The following ZNF3 variants were observed in gnomAD, a reference collection of about 807,000 sequenced individuals.
ZNF3 encodes zinc finger protein 3.
Under a neutral mutation model 36.9 loss-of-function variants are expected in ZNF3, and 16 were observed. The observed-to-expected ratio is 0.43, with a 90% CI of 0.29 to 0.66. ZNF3 has a LOEUF of 0.66. ZNF3 is among the 30% of genes least tolerant of loss of function. The pLI is 0.13. For missense variants in ZNF3, 462 were observed against 543.1 expected, an observed-to-expected ratio of 0.85 and a Z score of 1.48; for synonymous variants, 201 against 201.9, an observed-to-expected ratio of 1.00 and a Z score of 0.04.
chr7:100,074,955 G>A (rs1416532041), intron 5 of ZNF3, among the ~76,000 whole-genome samples, 180 bp downstream of exon 5: 2 of 152,316 alleles, frequency 1.3e-5, no homozygotes, highest in East Asian at 1.9e-4. Flanking sequence ...GGGAGGCAGA[G>A]GTGAGAACCT....
Position 100,070,815 on chromosome 7 carries a change from C to A in ZNF3, c.*328G>T. On this transcript the variant is annotated 3_prime_UTR_variant, in exon 6 of 6. Transcript: ENST00000299667. ...TACGCGGACTCCAACTAAAGGAATC[C>A]ATCGAATTCTGTCCCGACTGTGCTT... The A allele has an allele frequency of 9.2e-7, 1 of 1,092,396 alleles. No individual in the cohort carries two copies. Among genetic ancestry groups the A allele is most frequent in the Non-Finnish European group, 1.1e-6 (1 of 897,176 alleles). 67.7% of individuals were successfully genotyped at this position (1,092,396 alleles called of 1,614,324 possible).
chr7:100,067,828 G>T (rs181223482), downstream of ZNF3, among the ~76,000 whole-genome samples: 294 of 152,242 alleles, frequency 1.9e-3, no homozygotes, highest in Non-Finnish European at 3.6e-3. Context: ...TCTGAAAACA[G>T]TATCATTCCA....
downstream of ZNF3, among the ~76,000 whole-genome samples, chr7:100,067,380 C>G (rs1245618814): frequency 6.6e-6 from 1 of 152,154 alleles, no homozygotes. Context: ...CTCTGCTCAT[C>G]ATTTTAGCAG....
chr7:100,063,960 A>G, downstream of ZNF3: 1 of 1,614,200 alleles, frequency 6.2e-7, no homozygotes, highest in South Asian at 1.1e-5. Context: ...CCCCTCTTCA[A>G]GAGGCAGGCT....
At chr7:100,067,516 C>T (rs560551657), downstream of ZNF3, among the ~76,000 whole-genome samples, 2 of 152,228 alleles carry the variant, frequency 1.3e-5, no homozygotes, top group East Asian at 1.9e-4. Flanking sequence ...GCAGTCCTCC[C>T]ATCTCAGCTT....
chr7:100,073,735 G>A lies in ZNF3; in HGVS notation c.271+1400C>T, dbSNP rs867274320. On this transcript the variant is annotated intron_variant, in intron 5 of 5. Coordinates refer to ENST00000299667, the MANE Select transcript of ZNF3 (RefSeq NM_032924.5). Reference sequence around the variant, plus strand: ...CAACAGGTCCCTAGAAGTTAGAGAAGGGGAGCAGAGAAGCAGAGAAGGAGA... The same window carrying A: ...CAACAGGTCCCTAGAAGTTAGAGAAAGGGAGCAGAGAAGCAGAGAAGGAGA... 7.9e-5 allele frequency among the ~76,000 whole-genome samples: 12 copies of A among 152,280 alleles called. No individual in the cohort carries two copies. The Middle Eastern group carries it at 0.014, about 173-fold the overall frequency.
In ZNF3 at chr7:100,077,151, TC is replaced by T. The variant is rs1224334069; in HGVS notation, c.55+151del. The T allele has an allele frequency of 1.2e-5, 10 of 826,178 alleles. No individual in the cohort carries two copies. In the African/African-American group the frequency reaches 1.7e-4, roughly 14 times the overall value. 51.2% of individuals were successfully genotyped at this position (826,178 alleles called of 1,614,324 possible). On this transcript the variant is annotated intron_variant, in intron 3 of 5. Coordinates refer to ENST00000299667, the MANE Select transcript of ZNF3 (RefSeq NM_032924.5). ...GTCATTGATTACTGTTCGGTCAGCT[TC>T]CCCACTAGGCTGTGAGTTACTGAAT...
intron 5 of ZNF3, among the ~76,000 whole-genome samples, chr7:100,074,805 G>A (rs1159844975): frequency 2.0e-5 from 3 of 152,034 alleles, no homozygotes; most frequent in African/African-American, 7.2e-5. Context: ...AGGCCAAGAC[G>A]GGTGGATCAC....
At chr7:100,075,744 C>G (rs1308345905) in intron 3 of ZNF3, 114 bp from the exon 4 acceptor site, 7 of 904,888 alleles carry the variant, frequency 7.7e-6, no homozygotes, top group Non-Finnish European at 1.2e-5. Flanking sequence ...ACAGGACCCT[C>G]TCTCTCACAT....
intron 5 of ZNF3, among the ~76,000 whole-genome samples, chr7:100,074,573 A>G (rs1250575561): frequency 1.3e-5 from 2 of 152,160 alleles, no homozygotes; most frequent in Non-Finnish European, 2.9e-5. Context: ...CGCCTGGACT[A>G]CTTTCACTTT....
chr7:100,064,538 A>G (rs1354535290), exon 6 of ZNF3: 1 of 1,614,196 alleles, frequency 6.2e-7, no homozygotes, highest in Non-Finnish European at 8.5e-7. Flanking sequence ...TGGTGTCATC[A>G]CTGTGGAAAG....
In ZNF3 at chr7:100,070,463, C is replaced by T. The variant is rs1288673204; in HGVS notation, c.*680G>A. ...TTACTAGCTGTTTGGACAGATTTGC[C>T]CATTCAGCCCCAGGACAACTGGGGG... On this transcript the variant is annotated 3_prime_UTR_variant, in exon 6 of 6. Transcript: ENST00000299667. 2 of 985,412 alleles carry T rather than the reference C, an allele frequency of 2.0e-6. No homozygotes were observed. Among genetic ancestry groups the T allele is most frequent in the Non-Finnish European group, 2.4e-6 (2 of 830,080 alleles). 61.0% of individuals were successfully genotyped at this position (985,412 alleles called of 1,614,324 possible). A position where few individuals can be genotyped will look rare whatever the true frequency, so the allele number is the denominator to read the frequency against.
chr7:100,064,105 C>T (rs1291839337), exon 6 of ZNF3: 1 of 1,614,138 alleles, frequency 6.2e-7, no homozygotes. Context: ...TGGGGAGAAA[C>T]CTTACGTGTG....
chr7:100,073,662 C>T (rs1793584237), intron 5 of ZNF3, among the ~76,000 whole-genome samples: 1 of 151,666 alleles, frequency 6.6e-6, no homozygotes, highest in African/African-American at 2.4e-5. Flanking sequence ...ATTTCTTAAC[C>T]TTTCTAAGTT....
chr7:100,076,587 C>T (rs1257174932), intron 3 of ZNF3, among the ~76,000 whole-genome samples: 5 of 152,136 alleles, frequency 3.3e-5, no homozygotes, highest in South Asian at 2.1e-4. Flanking sequence ...CCACCGCGCT[C>T]GGCCGCAAAG....
chr7:100,073,088 T>C (rs1793476596), intron 5 of ZNF3, among the ~76,000 whole-genome samples: 1 of 152,108 alleles, frequency 6.6e-6, no homozygotes. Flanking sequence ...AGCAGAGAGA[T>C]GGTGGCAGGA....
chr7:100,081,264 C>A lies in ZNF3; in HGVS notation c.-198+371G>T, dbSNP rs928641557. ...CCTCTCCTGCCACGGGCGCGAATAA[C>A]TGTGTTAACATCAAATAAAAACGTC... is the stretch of plus-strand genomic sequence containing the variant. On this transcript the variant is annotated intron_variant, in intron 1 of 5. Transcript: ENST00000299667. This position sits in a 1 kb window ranked among gnomAD's most constrained non-coding sequence, Gnocchi z 4.3. Among the ~76,000 whole-genome samples, 18 of 152,236 alleles carry A rather than the reference C, an allele frequency of 1.2e-4. No homozygotes were observed. The highest frequency in any genetic ancestry group is 3.9e-4 in the African/African-American group (16 of 41,454).
At chr7:100,075,019 T>A (rs1351752184) in intron 5 of ZNF3, 116 bp downstream of exon 5, 1 of 1,330,402 alleles carries the variant, frequency 7.5e-7, no homozygotes, top group East Asian at 2.3e-5. Flanking sequence ...ATTGTGCCAT[T>A]GCACCTCAAA....
chr7:100,065,858 A>T (rs1792624555), downstream of ZNF3, among the ~76,000 whole-genome samples: 1 of 147,068 alleles, frequency 6.8e-6, no homozygotes, highest in South Asian at 2.3e-4. Context: ...TTGGGCCAGG[A>T]CTCCATTTAT....
Sources: gnomAD v4.1 joint callset for allele counts (sites outside exome capture counted in the v4.1 genomes callset) on GRCh38, gnomAD v4.1.1 for gene constraint, Gnocchi (gnomAD v3.1) non-coding constraint, MANE v1.5 for transcripts, NCBI Gene and HGNC (gene_info 2026-07-23, HGNC 2026-07-21) for gene names.